The following MBTPS1 variants were observed in gnomAD, a reference collection of about 807,000 sequenced individuals.
The protein encoded by MBTPS1 is membrane-bound transcription factor site-1 protease.
Under a neutral mutation model 127.8 loss-of-function variants are expected in MBTPS1, and 94 were observed. The ratio of observed to expected loss-of-function variants is 0.74; its 90% CI spans 0.62 to 0.87. MBTPS1 has a LOEUF of 0.87. Among genes scored for constraint, MBTPS1 ranks in the 40% least tolerant of loss-of-function variants. The pLI is 0.00. For missense variants in MBTPS1, 1,636 were observed against 1,353.2 expected (o/e 1.21, Z -3.28); for synonymous variants, 632 against 509.4 (o/e 1.24, Z -3.24).
chr16:84,081,742 C>T lies in MBTPS1; in HGVS notation c.1448+5G>A, dbSNP rs756367003. 7.3e-7 allele frequency: 1 copy of T among 1,374,870 alleles called. No individual in the cohort carries two copies. The highest frequency in any genetic ancestry group is 9.5e-7 in the Non-Finnish European group (1 of 1,052,342). The allele number at this position is 1,374,870 out of a possible 1,614,324, so 85.2% of individuals were successfully genotyped here. A position where few individuals can be genotyped will look rare whatever the true frequency, so the allele number is the denominator to read the frequency against. On this transcript the variant is annotated splice_donor_5th_base_variant and intron_variant, in intron 11 of 22. Coordinates refer to ENST00000343411, the MANE Select transcript of MBTPS1 (RefSeq NM_003791.4). ...AAAGACCCATCGGCAGGGCGGTGCA[C>T]TGACCTTGCCTGTGGCTTGTAGCTG...
rs548819442 is a variant in MBTPS1 at position 84,101,384 on chromosome 16, G to A, written c.163+237C>T. ...CAGTCACCTATAATCCCAGCTACTT[G>A]GGAGGCTGAGGCATGAGAATTGCTT... On this transcript the variant is annotated intron_variant, in intron 2 of 22. Coordinates refer to ENST00000343411, the MANE Select transcript of MBTPS1 (RefSeq NM_003791.4). 8.8e-4 allele frequency among the ~76,000 whole-genome samples: 134 copies of A among 151,904 alleles called. 2 individuals carry two copies. Among genetic ancestry groups the A allele is most frequent in the African/African-American group, 2.9e-3 (122 of 41,436 alleles).
At chr16:84,101,017 A>G (rs1407159751) in intron 2 of MBTPS1, among the ~76,000 whole-genome samples, 2 of 151,316 alleles carry the variant, frequency 1.3e-5, no homozygotes, top group Non-Finnish European at 3.0e-5. Flanking sequence ...AAAAAAAAAA[A>G]AGGCCTGGCA....
intron 1 of MBTPS1, among the ~76,000 whole-genome samples, chr16:84,103,116 G>A (rs1404593563): frequency 6.6e-6 from 1 of 152,144 alleles, no homozygotes; most frequent in Admixed American, 6.5e-5. Flanking sequence ...CGATAGTAAA[G>A]AACAATGCTG....
chr16:84,078,319 G>A (rs910580715), intron 11 of MBTPS1, among the ~76,000 whole-genome samples: 14 of 147,370 alleles, frequency 9.5e-5, no homozygotes, highest in African/African-American at 2.8e-4. Flanking sequence ...AGAGCTACCC[G>A]ATGCTCTCAA....
At chr16:84,103,327 C>T (rs1160088846) in intron 1 of MBTPS1, among the ~76,000 whole-genome samples, 4 of 151,114 alleles carry the variant, frequency 2.6e-5, no homozygotes, top group Admixed American at 2.0e-4. Context: ...AATCTCTGCA[C>T]AGTTCACTGC....
At chr16:84,106,657 G>C (rs1358510280) in intron 1 of MBTPS1, among the ~76,000 whole-genome samples, 1 of 152,218 alleles carries the variant, frequency 6.6e-6, no homozygotes, top group Non-Finnish European at 1.5e-5. Context: ...ATTCTGACTG[G>C]GAAGAGAAAG....
Position 84,063,302 on chromosome 16 carries a change from T to C in MBTPS1, c.2572+3A>G. On this transcript the variant is annotated splice_donor_region_variant and intron_variant, in intron 19 of 22. Transcript: ENST00000343411. Reference sequence around the variant, plus strand: ...TCACAAAGTCCATCTGCGTTTTTCCTACCCTTCTGTCGGTGACTGTCATCC... The same window carrying C: ...TCACAAAGTCCATCTGCGTTTTTCCCACCCTTCTGTCGGTGACTGTCATCC... 1 of 1,606,994 alleles carries C rather than the reference T, an allele frequency of 6.2e-7. No individual in the cohort carries two copies. Among genetic ancestry groups the C allele is most frequent in the Non-Finnish European group, 8.5e-7 (1 of 1,174,528 alleles).
At chr16:84,067,497 C>A (rs1339764752) in intron 16 of MBTPS1, among the ~76,000 whole-genome samples, 170 bp downstream of exon 16, 2 of 152,134 alleles carry the variant, frequency 1.3e-5, no homozygotes, top group Non-Finnish European at 2.9e-5. Flanking sequence ...GGATTACAGG[C>A]GTGAGCAACC....
At position 84,067,596 on chromosome 16, in the gene MBTPS1, C is replaced by A. The variant is rs758480903; in HGVS notation, c.2228+71G>T. ...AGACCACCAACAGGTCAAATCATCA[C>A]TTAAGTATTTGCTGGGTAGAATTTG... On this transcript the variant is annotated intron_variant, in intron 16 of 22. Coordinates refer to ENST00000343411, the MANE Select transcript of MBTPS1 (RefSeq NM_003791.4). 28 of 1,222,060 alleles carry A rather than the reference C, an allele frequency of 2.3e-5. 1 individual carries two copies. The highest frequency in any genetic ancestry group is 3.0e-5 in the Non-Finnish European group (25 of 842,520). 75.7% of individuals were successfully genotyped at this position (1,222,060 alleles called of 1,614,324 possible). A position where few individuals can be genotyped will look rare whatever the true frequency, so the allele number is the denominator to read the frequency against.
At chr16:84,089,357 C>T (rs2086072834) in intron 8 of MBTPS1, among the ~76,000 whole-genome samples, 1 of 152,222 alleles carries the variant, frequency 6.6e-6, no homozygotes, top group Non-Finnish European at 1.5e-5. Context: ...ACAATAACGC[C>T]TAAAATATTT....
chr16:84,106,373 GCTACAGCACTAC>G (rs2086323698), intron 1 of MBTPS1, among the ~76,000 whole-genome samples: 1 of 152,160 alleles, frequency 6.6e-6, no homozygotes, highest in African/African-American at 2.4e-5. Context: ...CTGGGTTTCT[GCTACAGCACTAC>G]CTACAGCAGC....
chr16:84,066,505 G>A lies in MBTPS1; in HGVS notation c.2337C>T (p.Thr779=). The change falls in exon 17 of 23, where the codon ACC becomes ACT. Residue 779 remains threonine (T), a synonymous_variant. Coordinates refer to ENST00000343411, the MANE Select transcript of MBTPS1 (RefSeq NM_003791.4). Reference sequence around the variant, plus strand: ...GAGCCTTACTGTCATGGTTGGCCAGGGTGAACTCCCCTTCATACAGGCCAT... The same window carrying A: ...GAGCCTTACTGTCATGGTTGGCCAGAGTGAACTCCCCTTCATACAGGCCAT... ...FSDGLYEGEF[T]LANHDMYYAS... 1.2e-6 allele frequency: 2 copies of A among 1,613,980 alleles called. No individual in the cohort carries two copies. The highest frequency in any genetic ancestry group is 1.1e-5 in the South Asian group (1 of 91,068).
Position 84,060,814 on chromosome 16 carries a change from C to G in MBTPS1, c.2573-1G>C, listed in dbSNP as rs1269291719. The G allele has an allele frequency of 2.5e-6, 4 of 1,572,896 alleles. No individual in the cohort carries two copies. Among genetic ancestry groups the G allele is most frequent in the Non-Finnish European group, 3.5e-6 (4 of 1,158,996 alleles). The stretch of plus-strand genomic sequence containing the variant: ...AGGGCATCCAGAAGCCAAAAGCAGT[C>G]TGCGAAGTCAACAAGCCTGTTTAGG... On this transcript the variant is annotated splice_acceptor_variant, in intron 19 of 22. Coordinates refer to ENST00000343411, the MANE Select transcript of MBTPS1 (RefSeq NM_003791.4). LOFTEE classifies it high-confidence loss of function.
rs967463208 is a variant in MBTPS1, at chr16:84,116,724, G to A, written c.-325+11C>T. ...CGGGTCGGGGAGGCCGCGCGCGGGCGGCTGACGTACCTGCGCCGCCGGGAG... is the reference window on the plus strand; with the variant it reads ...CGGGTCGGGGAGGCCGCGCGCGGGCAGCTGACGTACCTGCGCCGCCGGGAG... On this transcript the variant is annotated intron_variant, in intron 1 of 22. Transcript: ENST00000343411. 2.6e-5 allele frequency: 4 copies of A among 152,056 alleles called. No individual in the cohort carries two copies. The highest frequency in any genetic ancestry group is 2.9e-5 in the Non-Finnish European group (2 of 68,028). The allele number at this position is 152,056 out of a possible 1,614,324, so 9.4% of individuals were successfully genotyped here. A position where few individuals can be genotyped will look rare whatever the true frequency, so the allele number is the denominator to read the frequency against.
In MBTPS1 at chr16:84,102,025, C is replaced by G. The variant is rs1567502785; in HGVS notation, c.-242G>C. ...GGAAATAAGGCTTCTCTCACTCAGG[C>G]CGTGACGACTGAGTCCTGTACTCCA... is the stretch of plus-strand genomic sequence containing the variant. On this transcript the variant is annotated 5_prime_UTR_variant, in exon 2 of 23. Coordinates refer to ENST00000343411, the MANE Select transcript of MBTPS1 (RefSeq NM_003791.4). 6.3e-5 allele frequency: 30 copies of G among 478,912 alleles called. No homozygotes were observed. In the East Asian group the frequency reaches 1.1e-3, roughly 17 times the overall value. 29.7% of individuals were successfully genotyped at this position (478,912 alleles called of 1,614,324 possible).
intron 4 of MBTPS1, among the ~76,000 whole-genome samples, chr16:84,094,111 G>A (rs1179374901): frequency 6.6e-6 from 1 of 152,044 alleles, no homozygotes; most frequent in East Asian, 1.9e-4. Flanking sequence ...ACTCAGGATA[G>A]AACCACCCCT....
At chr16:84,116,279 G>C (rs1191588901) in intron 1 of MBTPS1, among the ~76,000 whole-genome samples, 1 of 152,176 alleles carries the variant, frequency 6.6e-6, no homozygotes, top group Non-Finnish European at 1.5e-5. Flanking sequence ...GAAGCTACAG[G>C]TTTAAAAGGC....
chr16:84,116,052 TA>T (rs1254735448), intron 1 of MBTPS1, among the ~76,000 whole-genome samples: 1 of 152,138 alleles, frequency 6.6e-6, no homozygotes, highest in Non-Finnish European at 1.5e-5. Context: ...CAGTTCAGAC[TA>T]AAGGATGAGT....
At chr16:84,094,046 T>C (rs1460276028) in intron 4 of MBTPS1, among the ~76,000 whole-genome samples, 1 of 151,968 alleles carries the variant, frequency 6.6e-6, no homozygotes, top group African/African-American at 2.4e-5. Flanking sequence ...TGCCGCCAAA[T>C]AAGATTTAAG....
Sources: gnomAD v4.1 joint callset for allele counts (sites outside exome capture counted in the v4.1 genomes callset) on GRCh38, gnomAD v4.1.1 for gene constraint, MANE v1.5 for transcripts, NCBI Gene and HGNC (gene_info 2026-07-23, HGNC 2026-07-21) for gene names.